FBXL17: variants seen among roughly 807,000 people sequenced by gnomAD.
FBXL17 encodes F-box and leucine rich repeat protein 17, also known as F-box/LRR-repeat protein 17.
Under a neutral mutation model 66.2 loss-of-function variants are expected in FBXL17, and 22 were observed. The observed-to-expected ratio is 0.33, with a 90% CI of 0.24 to 0.47. The LOEUF (loss-of-function observed/expected upper bound fraction) is 0.47. Among genes scored for constraint, FBXL17 ranks in the 20% least tolerant of loss-of-function variants. FBXL17 has a pLI of 1.00. For synonymous variants in FBXL17, 474 were observed against 400.5 expected (o/e 1.18, Z -2.19); for missense variants, 878 against 948.2 (o/e 0.93, Z 0.97).
At chr5:107,902,653 C>T (rs1749608708) in intron 7 of FBXL17, among the ~76,000 whole-genome samples, 1 of 152,032 alleles carries the variant, frequency 6.6e-6, no homozygotes, top group African/African-American at 2.4e-5. Flanking sequence ...AAAGCAGCTA[C>T]CTGAAGATGA....
chr5:108,365,024 C>A, intron 2 of FBXL17, 29 bp from the exon 3 acceptor site: 1 of 1,542,052 alleles, frequency 6.5e-7, no homozygotes, highest in Non-Finnish European at 8.8e-7. Context: ...TAAATTTAAA[C>A]TTTTGCTAAA....
chr5:108,157,335 C>A (rs563595639), intron 6 of FBXL17, among the ~76,000 whole-genome samples: 4 of 151,976 alleles, frequency 2.6e-5, no homozygotes, highest in Admixed American at 2.6e-4. Context: ...AGTATTAATA[C>A]ACATTCCGTG....
chr5:108,013,349 G>C (rs1407949333), intron 7 of FBXL17, among the ~76,000 whole-genome samples: 1 of 152,106 alleles, frequency 6.6e-6, no homozygotes, highest in Non-Finnish European at 1.5e-5. Flanking sequence ...AAATTTGTCC[G>C]TGTTTGCATG....
At chr5:108,246,427 G>A (rs2150107967) in intron 4 of FBXL17, among the ~76,000 whole-genome samples, 1 of 152,280 alleles carries the variant, frequency 6.6e-6, no homozygotes, top group South Asian at 2.1e-4. Flanking sequence ...TGAGGTGGAA[G>A]GATCACTTGA....
intron 5 of FBXL17, among the ~76,000 whole-genome samples, chr5:108,223,789 A>G (rs925041425): frequency 6.8e-6 from 1 of 147,932 alleles, no homozygotes; most frequent in Non-Finnish European, 1.5e-5. Context: ...TACTCATAAG[A>G]TCTAGTGATA....
intron 6 of FBXL17, among the ~76,000 whole-genome samples, chr5:108,162,171 T>G (rs1210335409): frequency 6.6e-6 from 1 of 152,206 alleles, no homozygotes. Flanking sequence ...TACTCACTGC[T>G]TTATTCCAAA....
chr5:108,232,335 T>A (rs564840783), intron 4 of FBXL17, among the ~76,000 whole-genome samples: 2 of 152,244 alleles, frequency 1.3e-5, no homozygotes, highest in South Asian at 4.2e-4. Context: ...GACCTTATTA[T>A]TGTCTTTATT....
intron 7 of FBXL17, among the ~76,000 whole-genome samples, chr5:108,005,249 A>G (rs545012559): frequency 4.6e-4 from 70 of 152,216 alleles, no homozygotes; most frequent in African/African-American, 1.6e-3. Flanking sequence ...TCCTGTGGCT[A>G]TGTCTGGACG....
At chr5:107,957,450 C>A (rs1472734605) in intron 7 of FBXL17, among the ~76,000 whole-genome samples, 1 of 152,050 alleles carries the variant, frequency 6.6e-6, no homozygotes, top group Non-Finnish European at 1.5e-5. Flanking sequence ...AGAAGAGAAG[C>A]TTTAATTCTT....
intron 6 of FBXL17, among the ~76,000 whole-genome samples, chr5:108,021,628 C>G (rs1181290488): frequency 6.6e-6 from 1 of 151,174 alleles, no homozygotes; most frequent in Non-Finnish European, 1.5e-5. Context: ...GTAAGACTGT[C>G]TTTTCTGGTT....
At chr5:107,953,361 C>A (rs1005471549) in intron 7 of FBXL17, among the ~76,000 whole-genome samples, 2 of 147,268 alleles carry the variant, frequency 1.4e-5, no homozygotes, top group Non-Finnish European at 3.0e-5. Context: ...CGAGATCTCA[C>A]CACTGCACTC....
At chr5:108,186,049 T>G in intron 6 of FBXL17, 68 bp downstream of exon 6, 1 of 1,276,730 alleles carries the variant, frequency 7.8e-7, no homozygotes. Context: ...ACATGCCTTG[T>G]TATAATAATT....
chr5:108,326,123 T>C (rs76505320), intron 4 of FBXL17, among the ~76,000 whole-genome samples: 6,618 of 152,208 alleles, frequency 0.043, 773 homozygotes, highest in East Asian at 0.39. Context: ...GCCCTTACCA[T>C]TAATAAATTG....
At chr5:107,963,646 G>A (rs1752005812) in intron 7 of FBXL17, among the ~76,000 whole-genome samples, 1 of 152,070 alleles carries the variant, frequency 6.6e-6, no homozygotes, top group Non-Finnish European at 1.5e-5. Context: ...TAGTGATAAA[G>A]TATGTAAAAT....
At chr5:107,987,230 A>G (rs970812333) in intron 7 of FBXL17, among the ~76,000 whole-genome samples, 1 of 150,744 alleles carries the variant, frequency 6.6e-6, no homozygotes, top group Admixed American at 6.6e-5. Context: ...TTTCTAATTG[A>G]TATGCAAAAA....
chr5:108,094,335 T>A (rs758846788), intron 6 of FBXL17, among the ~76,000 whole-genome samples: 1 of 152,160 alleles, frequency 6.6e-6, no homozygotes, highest in Non-Finnish European at 1.5e-5. Context: ...ATACCTTATA[T>A]CCAGAAACTT....
rs777315379 is a variant in FBXL17, at chr5:108,381,644, C to T, written c.48G>A (p.Lys16=). 21 of 1,486,068 alleles carry T rather than the reference C, an allele frequency of 1.4e-5. No individual in the cohort carries two copies. In the South Asian group the frequency reaches 1.6e-4, roughly 12 times the overall value. The allele number at this position is 1,486,068 out of a possible 1,614,324, so 92.1% of individuals were successfully genotyped here. A position where few individuals can be genotyped will look rare whatever the true frequency, so the allele number is the denominator to read the frequency against. The change falls in exon 1 of 9, where the codon AAG becomes AAA. Residue 16 remains lysine (K), a synonymous_variant. Coordinates refer to ENST00000542267, the MANE Select transcript of FBXL17 (RefSeq NM_001163315.3). ...GGCACCAACTGCAACAGCGAGGCCT[C>T]TTCTGGCTCGGGCGGTTACGCGGCT... ...SKEPRNRPSQ[K]RPRCCSWCRR... is the part of the protein sequence containing the mutation.
At chr5:107,874,750 G>T in intron 8 of FBXL17, among the ~76,000 whole-genome samples, 1 of 152,166 alleles carries the variant, frequency 6.6e-6, no homozygotes, top group East Asian at 1.9e-4. Context: ...CTAAAATGAG[G>T]TTGAAAGGTA....
intron 6 of FBXL17, among the ~76,000 whole-genome samples, chr5:108,065,834 T>A (rs1015976990): frequency 6.6e-6 from 1 of 151,958 alleles, no homozygotes; most frequent in Non-Finnish European, 1.5e-5. Flanking sequence ...AAAAAGAAAC[T>A]GTAAAAAGAG....
Sources: allele counts gnomAD v4.1 joint callset (sites outside exome capture counted in the v4.1 genomes callset), GRCh38; gene constraint gnomAD v4.1.1; transcripts MANE v1.5; gene names NCBI Gene and HGNC (gene_info 2026-07-23, HGNC 2026-07-21).